POLQ: variants seen among roughly 807,000 people sequenced by gnomAD.
POLQ encodes DNA polymerase theta.
In POLQ, 233 loss-of-function variants were observed where a neutral mutation model predicts 259.2. That is an observed-to-expected ratio of 0.90 (90% CI 0.81 to 1.00). The LOEUF (loss-of-function observed/expected upper bound fraction) is 1.00, where lower values mean the gene tolerates loss of function less well. POLQ is among the 50% of genes least tolerant of loss of function. The probability of loss-of-function intolerance (pLI) is 0.00; values close to 1 mark genes in which losing one functional copy is unlikely to be tolerated. For synonymous variants in POLQ, 1,025 were observed against 1,048.8 expected (o/e 0.98, Z 0.44); for missense variants, 2,871 against 3,051.6 (o/e 0.94, Z 1.39).
intron 7 of POLQ, among the ~76,000 whole-genome samples, chr3:121,526,831 T>C (rs1370621698): frequency 6.6e-6 from 1 of 151,918 alleles, no homozygotes; most frequent in Non-Finnish European, 1.5e-5. Context: ...TAGTAGAGTC[T>C]ATAGGTATGT....
At position 121,488,696 on chromosome 3, in the gene POLQ, G is replaced by A. The variant is rs1223335666; in HGVS notation, c.4235C>T (p.Pro1412Leu). The A allele has an allele frequency of 5.0e-6, 8 of 1,613,178 alleles. No individual in the cohort carries two copies. The highest frequency in any genetic ancestry group is 1.6e-4 in the Middle Eastern group (1 of 6,082). The change falls in exon 16 of 30, where the codon CCA becomes CTA. Residue 1412 changes from proline to leucine, a missense_variant. By Grantham distance (98) the Pro-to-Leu change is moderately conservative (BLOSUM62 -3). Around this residue, in one of 3 missense-constraint regions of POLQ, gnomAD observed 2,080 missense variants for 2,126.0 expected, o/e 0.98. Transcript: ENST00000264233. ...TGGAGAATGGAAAATCGGGCTTTCTGGAGTCAGGATATCAACCCCATGTGA... is the reference window on the plus strand; with the variant it reads ...TGGAGAATGGAAAATCGGGCTTTCTAGAGTCAGGATATCAACCCCATGTGA... ...SDSHGVDILT[P>L]ESPIFHSPIL...
intron 1 of POLQ, 129 bp downstream of exon 1, chr3:121,545,586 A>T: frequency 1.2e-6 from 1 of 846,788 alleles, no homozygotes; most frequent in Non-Finnish European, 1.8e-6. Flanking sequence ...GGCCCCAGTC[A>T]CAGAGAAGGG....
At chr3:121,434,968 AC>A (rs893095780) in intron 28 of POLQ, among the ~76,000 whole-genome samples, 4 of 152,100 alleles carry the variant, frequency 2.6e-5, no homozygotes, top group African/African-American at 9.7e-5. Context: ...AAGAGCCTGG[AC>A]AACATGGTGA....
chr3:121,481,712 T>G lies in POLQ; in HGVS notation c.6071A>C (p.Glu2024Ala). The G allele has an allele frequency of 1.2e-6, 2 of 1,614,118 alleles. No individual in the cohort carries two copies. The highest frequency in any genetic ancestry group is 1.7e-6 in the Non-Finnish European group (2 of 1,180,000). Residue 2024 changes from glutamate (E) to alanine (A), a missense_variant, in exon 19 of 30, where the codon GAG becomes GCG. Physicochemically the swap from Glu to Ala is moderately radical, Grantham distance 107 (BLOSUM62 -1). Transcript: ENST00000264233. ...PHELPLLEGM[E>A]TSQGIQSLGL... The stretch of plus-strand genomic sequence containing the variant: ...CAGGCTTTGAATCCCTTGGCTGGTC[T>G]CCATCCCTTCTAGGAGTGGAAGCTC...
Position 121,468,150 on chromosome 3 carries a change from T to C in POLQ, c.6845+155A>G, listed in dbSNP as rs72969970. On this transcript the variant is annotated intron_variant, in intron 23 of 29. Coordinates refer to ENST00000264233, the MANE Select transcript of POLQ (RefSeq NM_199420.4). ...AATTAAACATGAATTAGCTTCTTTATAGATGGGACTCAGGATTCAAAACGG... is the reference window on the plus strand; with the variant it reads ...AATTAAACATGAATTAGCTTCTTTACAGATGGGACTCAGGATTCAAAACGG... Among the ~76,000 whole-genome samples the C allele has an allele frequency of 3.3e-3, 503 of 152,342 alleles. 5 individuals carry two copies. Among genetic ancestry groups the C allele is most frequent in the African/African-American group, 0.011 (478 of 41,590 alleles).
chr3:121,481,325 A>G (rs2047968375), intron 19 of POLQ, among the ~76,000 whole-genome samples: 1 of 152,228 alleles, frequency 6.6e-6, no homozygotes, highest in South Asian at 2.1e-4. Flanking sequence ...ATTGGAAGAC[A>G]GCCATTTGTT....
At chr3:121,476,299 T>C (rs1351512416) in intron 20 of POLQ, among the ~76,000 whole-genome samples, 1 of 152,160 alleles carries the variant, frequency 6.6e-6, no homozygotes, top group African/African-American at 2.4e-5. Flanking sequence ...GCAAATCTCC[T>C]TCTCAAGGAG....
Position 121,473,490 on chromosome 3 carries a change from G to C in POLQ, c.6406-3C>G. On this transcript the variant is annotated splice_polypyrimidine_tract_variant and splice_region_variant and intron_variant, in intron 20 of 29. Coordinates refer to ENST00000264233, the MANE Select transcript of POLQ (RefSeq NM_199420.4). ...AACTTCAATTCCAAAAATAAAACCTGCAAGAAATTAATGTCTCTTTAGTCA... is the reference window on the plus strand; with the variant it reads ...AACTTCAATTCCAAAAATAAAACCTCCAAGAAATTAATGTCTCTTTAGTCA... 6.2e-7 allele frequency: 1 copy of C among 1,607,562 alleles called. No homozygotes were observed. Among genetic ancestry groups the C allele is most frequent in the Admixed American group, 1.7e-5 (1 of 59,164 alleles).
Position 121,513,175 on chromosome 3 carries a change from G to A in POLQ, c.1469-1146C>T, listed in dbSNP as rs569635821. Among the ~76,000 whole-genome samples the A allele has an allele frequency of 1.5e-4, 23 of 151,866 alleles. No individual in the cohort carries two copies. In the South Asian group the frequency reaches 3.7e-3, roughly 25 times the overall value. On this transcript the variant is annotated intron_variant, in intron 9 of 29. Transcript: ENST00000264233. ...CAGTGCTGGAATATCCTTACCACCC[G>A]AGGCAAAGAGAAGGTACAGATTATC... is the stretch of plus-strand genomic sequence containing the variant.
At chr3:121,518,725 C>A (rs1397895994) in intron 9 of POLQ, among the ~76,000 whole-genome samples, 1 of 151,400 alleles carries the variant, frequency 6.6e-6, no homozygotes, top group African/African-American at 2.4e-5. Context: ...TTCCTAATTT[C>A]TCTTCAGTAG....
rs1027184583 is a variant in POLQ, at chr3:121,481,779, C to T, written c.6004G>A (p.Glu2002Lys). The change falls in exon 19 of 30, where the codon GAG (glutamate) becomes AAG (lysine). Residue 2002 changes from glutamate (E) to lysine (K), a missense_variant. Glu to Lys is a moderately conservative substitution (Grantham distance 56). Around this residue, in one of 3 missense-constraint regions of POLQ, gnomAD observed 2,080 missense variants for 2,126.0 expected, o/e 0.98. Coordinates refer to ENST00000264233, the MANE Select transcript of POLQ (RefSeq NM_199420.4). Reference sequence around the variant, plus strand: ...GTAACTATGCTATGAAGAGTCGGCTCCTGAGAATCTGGATCTAGTAACCAG... The same window carrying T: ...GTAACTATGCTATGAAGAGTCGGCTTCTGAGAATCTGGATCTAGTAACCAG... ...ACWLLDPDSQ[E>K]PTLHSIVTSF... The T allele has an allele frequency of 2.5e-6, 4 of 1,612,878 alleles. No homozygotes were observed. Among genetic ancestry groups the T allele is most frequent in the African/African-American group, 2.7e-5 (2 of 74,968 alleles).
chr3:121,432,300 A>G lies in POLQ; in HGVS notation c.*4T>C. 1 of 1,591,424 alleles carries G rather than the reference A, an allele frequency of 6.3e-7. No homozygotes were observed. The highest frequency in any genetic ancestry group is 8.5e-7 in the Non-Finnish European group (1 of 1,171,128). Reference sequence around the variant, plus strand: ...TCCCTGGGAGGACTTCATCAACAGCACAGTTACACATCAAAGTCCTTTAGC... The same window carrying G: ...TCCCTGGGAGGACTTCATCAACAGCGCAGTTACACATCAAAGTCCTTTAGC... On this transcript the variant is annotated 3_prime_UTR_variant, in exon 30 of 30. Coordinates refer to ENST00000264233, the MANE Select transcript of POLQ (RefSeq NM_199420.4).
chr3:121,483,131 T>C (rs1009001022), intron 18 of POLQ, among the ~76,000 whole-genome samples: 7 of 152,132 alleles, frequency 4.6e-5, no homozygotes, highest in African/African-American at 1.7e-4. Flanking sequence ...TGACCCAAAT[T>C]AAAATTTTTT....
At chr3:121,532,469 G>A (rs760765542) in intron 6 of POLQ, among the ~76,000 whole-genome samples, 2 of 151,868 alleles carry the variant, frequency 1.3e-5, no homozygotes, top group Non-Finnish European at 2.9e-5. Flanking sequence ...TAAATTAAAG[G>A]TACAACTACA....
At chr3:121,483,695 G>T in intron 17 of POLQ, 113 bp from the exon 18 acceptor site, 2 of 730,304 alleles carry the variant, frequency 2.7e-6, no homozygotes, top group Non-Finnish European at 4.2e-6. Context: ...AAGGCTAAGG[G>T]TCTGGTTCCA....
chr3:121,523,780 A>G (rs1048991254), intron 7 of POLQ, among the ~76,000 whole-genome samples: 3 of 152,198 alleles, frequency 2.0e-5, no homozygotes, highest in African/African-American at 7.2e-5. Context: ...GAATTATTAT[A>G]TGTCAGTTGA....
In POLQ at chr3:121,536,188, A is replaced by G. The variant is rs142975531; in HGVS notation, c.740+912T>C. Among the ~76,000 whole-genome samples the G allele has an allele frequency of 3.4e-3, 511 of 152,358 alleles. 2 individuals carry two copies. The highest frequency in any genetic ancestry group is 6.2e-3 in the Non-Finnish European group (423 of 68,032). On this transcript the variant is annotated intron_variant, in intron 5 of 29. Coordinates refer to ENST00000264233, the MANE Select transcript of POLQ (RefSeq NM_199420.4). ...TACCAATGTCATTTATATAGTCATA[A>G]TAGTGTAACACTGAATAATGATCTA...
intron 27 of POLQ, among the ~76,000 whole-genome samples, chr3:121,437,329 A>C (rs966447407): frequency 6.6e-6 from 1 of 152,242 alleles, no homozygotes; most frequent in African/African-American, 2.4e-5. Flanking sequence ...GGTTCCTACA[A>C]ATTGATAAGA....
At chr3:121,542,113 G>A (rs1454350721) in intron 2 of POLQ, among the ~76,000 whole-genome samples, 1 of 151,512 alleles carries the variant, frequency 6.6e-6, no homozygotes, top group Non-Finnish European at 1.5e-5. Flanking sequence ...TCCAGCCTGG[G>A]CGACAGTGAG....
Sources: gnomAD v4.1 joint callset for allele counts (sites outside exome capture counted in the v4.1 genomes callset) on GRCh38, gnomAD v4.1.1 for gene constraint, gnomAD v4.1.1 regional missense constraint, MANE v1.5 for transcripts, NCBI Gene and HGNC (gene_info 2026-07-23, HGNC 2026-07-21) for gene names.